KATNIP: variants seen among roughly 807,000 people sequenced by gnomAD.
KATNIP encodes the protein katanin-interacting protein.
A neutral mutation model predicts 174.0 loss-of-function variants in KATNIP; 126 were observed. The observed-to-expected ratio is 0.72, with a 90% confidence interval of 0.63 to 0.84. The LOEUF is 0.84. Ranked by LOEUF, KATNIP falls within the 40% of genes least tolerant of loss-of-function variation. The probability of loss-of-function intolerance (pLI) is 0.00; values close to 1 mark genes in which losing one functional copy is unlikely to be tolerated. For synonymous variants in KATNIP, 810 were observed against 835.7 expected, an observed-to-expected ratio of 0.97 and a Z score of 0.53; for missense variants, 1,958 against 2,109.7, an observed-to-expected ratio of 0.93 and a Z score of 1.41.
At chr16:27,600,241 C>T (rs989937467) in intron 2 of KATNIP, among the ~76,000 whole-genome samples, 7 of 152,122 alleles carry the variant, frequency 4.6e-5, no homozygotes, top group Admixed American at 6.6e-5. Context: ...CCCACATGGT[C>T]GGGGAGGGGA....
intron 6 of KATNIP, among the ~76,000 whole-genome samples, chr16:27,663,295 C>A (rs1435072979): frequency 1.3e-5 from 2 of 150,442 alleles, no homozygotes; most frequent in Non-Finnish European, 3.0e-5. Context: ...CCACACCTGG[C>A]CCATTTAATT....
chr16:27,565,126 T>C lies in KATNIP; in HGVS notation c.8-8775T>C, dbSNP rs2090035041. ...AGATTTCTGTTGTTTTAGTGGGATG[T>C]CCTTAAAGAAGTCCCCTCAAAACGG... On this transcript the variant is annotated intron_variant, in intron 1 of 27. Transcript: ENST00000261588. Among the ~76,000 whole-genome samples, 3 of 151,570 alleles carry C rather than the reference T, an allele frequency of 2.0e-5. No homozygotes were observed. In the South Asian group the frequency reaches 6.2e-4, roughly 32 times the overall value.
chr16:27,555,816 A>G (rs2089598447), intron 1 of KATNIP, among the ~76,000 whole-genome samples: 1 of 150,838 alleles, frequency 6.6e-6, no homozygotes, highest in Non-Finnish European at 1.5e-5. Flanking sequence ...AGCCTGGGCA[A>G]CAAGAGCGAA....
intron 2 of KATNIP, among the ~76,000 whole-genome samples, chr16:27,591,674 C>T (rs1032110441): frequency 6.6e-6 from 1 of 152,096 alleles, no homozygotes; most frequent in Non-Finnish European, 1.5e-5. Context: ...GCATGGGGCC[C>T]GGCATGTATT....
At chr16:27,694,803 A>AATT (rs1567309164) in intron 8 of KATNIP, among the ~76,000 whole-genome samples, 3 of 151,772 alleles carry the variant, frequency 2.0e-5, no homozygotes, top group African/African-American at 7.3e-5. Flanking sequence ...ATAAATAAAT[A>AATT]AATAAATAAA....
intron 8 of KATNIP, among the ~76,000 whole-genome samples, chr16:27,695,509 A>G (rs1457975432): frequency 6.6e-6 from 1 of 151,144 alleles, no homozygotes; most frequent in Non-Finnish European, 1.5e-5. Flanking sequence ...TGATATCCAC[A>G]CTCCAGATCT....
intron 15 of KATNIP, among the ~76,000 whole-genome samples, chr16:27,748,607 G>A (rs1446322825): frequency 1.3e-5 from 2 of 151,740 alleles, no homozygotes; most frequent in African/African-American, 2.4e-5. Context: ...TAAACAAATA[G>A]CATTTTTTTC....
At chr16:27,774,860 C>T (rs1045524060) in intron 23 of KATNIP, 85 bp from the exon 24 acceptor site, 2 of 1,523,508 alleles carry the variant, frequency 1.3e-6, no homozygotes, top group Non-Finnish European at 1.8e-6. Context: ...GCCCCAGAGT[C>T]CCCCGAGCCA....
chr16:27,778,389 G>A (rs551654286), intron 27 of KATNIP, among the ~76,000 whole-genome samples, 185 bp from the exon 28 acceptor site: 77 of 152,330 alleles, frequency 5.1e-4, no homozygotes, highest in African/African-American at 1.7e-3. Context: ...GCTGAGAGGG[G>A]TGTTGTGGCA....
intron 2 of KATNIP, among the ~76,000 whole-genome samples, chr16:27,606,575 C>T (rs2075714058): frequency 6.6e-6 from 1 of 151,850 alleles, no homozygotes. Flanking sequence ...GATGTATTTG[C>T]TCAAGTGAGT....
intron 7 of KATNIP, among the ~76,000 whole-genome samples, chr16:27,679,362 A>G (rs2078241865): frequency 6.6e-6 from 1 of 152,112 alleles, no homozygotes; most frequent in Admixed American, 6.6e-5. Flanking sequence ...ATATTGGATT[A>G]GGGCCCACCT....
intron 2 of KATNIP, among the ~76,000 whole-genome samples, chr16:27,608,065 C>T (rs1178550245): frequency 6.6e-6 from 1 of 152,190 alleles, no homozygotes; most frequent in Non-Finnish European, 1.5e-5. Flanking sequence ...ATTCACTCAT[C>T]AGCCCTGTTG....
At position 27,740,332 on chromosome 16, in the gene KATNIP, G is replaced by A. The variant is rs111376159; in HGVS notation, c.2035G>A (p.Gly679Ser). 5.6e-6 allele frequency: 9 copies of A among 1,614,120 alleles called. No individual in the cohort carries two copies. Among genetic ancestry groups the A allele is most frequent in the African/African-American group, 5.3e-5 (4 of 74,940 alleles). ...GCTTTCTTCACAAGGAAATGTGTCT[G>A]GCAAAAGAAAGAATTCTACTAATTG... is the stretch of plus-strand genomic sequence containing the variant. Reference protein sequence around the residue: ...AKLSSQGNVSGKRKNSTNCRK... With the variant: ...AKLSSQGNVSSKRKNSTNCRK... Residue 679 changes from glycine (G) to serine (S), a missense_variant, in exon 15 of 28, where the codon GGC (glycine) becomes AGC (serine). Gly to Ser is a moderately conservative substitution (Grantham distance 56). This residue lies in a region of KATNIP where 1,557 missense variants were observed against 1,617.8 expected (regional missense o/e 0.96). Coordinates refer to ENST00000261588, the MANE Select transcript of KATNIP (RefSeq NM_015202.5).
At chr16:27,631,286 C>A in intron 5 of KATNIP, 124 bp downstream of exon 5, 1 of 711,692 alleles carries the variant, frequency 1.4e-6, no homozygotes, top group South Asian at 1.8e-5. Flanking sequence ...TTTATGCAAT[C>A]CCAGCATTTT....
intron 2 of KATNIP, among the ~76,000 whole-genome samples, chr16:27,605,312 T>A (rs1166293344): frequency 1.3e-5 from 2 of 152,190 alleles, no homozygotes; most frequent in Admixed American, 6.6e-5. Flanking sequence ...AGAAGAAAAT[T>A]TTTCTGAGAA....
intron 5 of KATNIP, among the ~76,000 whole-genome samples, chr16:27,633,018 G>A (rs2076535782): frequency 6.6e-6 from 1 of 152,112 alleles, no homozygotes; most frequent in Non-Finnish European, 1.5e-5. Context: ...CCAAAGTGCT[G>A]GGATTACAGG....
At chr16:27,709,754 C>T (rs1597244423) in intron 13 of KATNIP, among the ~76,000 whole-genome samples, 1 of 152,272 alleles carries the variant, frequency 6.6e-6, no homozygotes, top group African/African-American at 2.4e-5. Flanking sequence ...AAGCTGTTTC[C>T]CAGCCCCTGC....
intron 10 of KATNIP, 100 bp downstream of exon 10, chr16:27,699,699 A>AGGGCTTT: frequency 6.5e-7 from 1 of 1,527,732 alleles, no homozygotes; most frequent in Non-Finnish European, 8.9e-7. Context: ...GCATGTGCAT[A>AGGGCTTT]GCACCTGATG....
intron 14 of KATNIP, among the ~76,000 whole-genome samples, chr16:27,728,973 G>A (rs988752006): frequency 1.3e-5 from 2 of 152,220 alleles, no homozygotes; most frequent in Non-Finnish European, 2.9e-5. Context: ...TTGTCTGGAG[G>A]GTGGAGCTTC....
Sources: gnomAD v4.1 joint callset for allele counts (sites outside exome capture counted in the v4.1 genomes callset) on GRCh38, gnomAD v4.1.1 for gene constraint, gnomAD v4.1.1 regional missense constraint, MANE v1.5 for transcripts, NCBI Gene and HGNC (gene_info 2026-07-23, HGNC 2026-07-21) for gene names.